ABCD4: variants seen among roughly 807,000 people sequenced by gnomAD.
The protein encoded by ABCD4 is lysosomal cobalamin transporter ABCD4.
In ABCD4, 53 loss-of-function variants were observed where a neutral mutation model predicts 86.3. The observed-to-expected ratio is 0.61, with a 90% confidence interval of 0.49 to 0.77. ABCD4 has a LOEUF of 0.77. Among genes scored for constraint, ABCD4 ranks in the 30% least tolerant of loss-of-function variants. ABCD4 has a pLI of 0.00. For missense variants in ABCD4, 757 were observed against 764.5 expected (o/e 0.99, Z 0.12); for synonymous variants, 328 against 313.6 (o/e 1.05, Z -0.49).
In ABCD4 at chr14:74,293,397, C is replaced by T. The variant is rs1418291540; in HGVS notation, c.720-149G>A. 14 of 626,426 alleles carry T rather than the reference C, an allele frequency of 2.2e-5. No homozygotes were observed. The Admixed American group carries it at 2.2e-4, about 10-fold the overall frequency. The allele number at this position is 626,426 out of a possible 1,614,324, so 38.8% of individuals were successfully genotyped here. A position where few individuals can be genotyped will look rare whatever the true frequency, so the allele number is the denominator to read the frequency against. On this transcript the variant is annotated intron_variant, in intron 7 of 18. Coordinates refer to ENST00000356924, the MANE Select transcript of ABCD4 (RefSeq NM_005050.4). The stretch of plus-strand genomic sequence containing the variant: ...TCTGTCTACTGGTAGCGCCCATTCA[C>T]GGCTTCAGTCATGCCTTAATGGTAT...
rs750455087 is a variant in ABCD4 at position 74,302,897 on chromosome 14, G to A, written c.16C>T (p.Pro6Ser). Residue 6 changes from proline (P) to serine (S), a missense_variant, in exon 1 of 19, where the codon CCC becomes TCC. Coordinates refer to ENST00000356924, the MANE Select transcript of ABCD4 (RefSeq NM_005050.4). MAVAG[P>S]APGAGARPRL... Reference sequence around the variant, plus strand: ...TACCTGGCGCCAGCTCCGGGCGCGGGCCCCGCGACCGCCATGACCTGAGAC... The same window carrying A: ...TACCTGGCGCCAGCTCCGGGCGCGGACCCCGCGACCGCCATGACCTGAGAC... 32 of 1,605,980 alleles carry A rather than the reference G, an allele frequency of 2.0e-5. No homozygotes were observed. Among genetic ancestry groups the A allele is most frequent in the Non-Finnish European group, 2.5e-5 (30 of 1,176,642 alleles).
At position 74,286,028 on chromosome 14, in the gene ABCD4, T is replaced by G. The variant is rs761534929; in HGVS notation, c.*433A>C. On this transcript the variant is annotated 3_prime_UTR_variant, in exon 19 of 19. Coordinates refer to ENST00000356924, the MANE Select transcript of ABCD4 (RefSeq NM_005050.4). Reference sequence around the variant, plus strand: ...TGTTTAACTTTTCTTTGTAAAAAACTTATTAAAAAACTTAAATGGTCAGTT... The same window carrying G: ...TGTTTAACTTTTCTTTGTAAAAAACGTATTAAAAAACTTAAATGGTCAGTT... 1.9e-5 allele frequency: 3 copies of G among 154,504 alleles called. No homozygotes were observed. The highest frequency in any genetic ancestry group is 4.3e-5 in the Non-Finnish European group (3 of 69,708). 9.6% of individuals were successfully genotyped at this position (154,504 alleles called of 1,614,324 possible). A position where few individuals can be genotyped will look rare whatever the true frequency, so the allele number is the denominator to read the frequency against.
At position 74,287,043 on chromosome 14, in the gene ABCD4, A is replaced by G. The variant is rs562996009; in HGVS notation, c.1637-227T>C. Among the ~76,000 whole-genome samples, 7 of 152,262 alleles carry G rather than the reference A, an allele frequency of 4.6e-5. No individual in the cohort carries two copies. The East Asian group carries it at 1.2e-3, about 25-fold the overall frequency. ...GCATGAAATCTCTCAGCTTCTATAG[A>G]TAAGCACCAGCCACTCCCTGGGACC... On this transcript the variant is annotated intron_variant, in intron 17 of 18. Transcript: ENST00000356924.
Position 74,290,414 on chromosome 14 carries a change from G to A in ABCD4, c.1204C>T (p.Pro402Ser). The part of the protein sequence containing the change: ...VSISAPSSDK[P>S]LIKDLSLKIS... ...TTTAGGCTCAGATCCTTGATTAGGG[G>A]TTTGTCAGAGGAGGGGGCAGAGATG... The change falls in exon 12 of 19, where the codon CCC (proline) becomes TCC (serine). Residue 402 changes from proline to serine, a missense_variant. By Grantham distance (74) the Pro-to-Ser change is moderately conservative. Transcript: ENST00000356924. 1 of 1,614,146 alleles carries A rather than the reference G, an allele frequency of 6.2e-7. No homozygotes were observed. The highest frequency in any genetic ancestry group is 8.5e-7 in the Non-Finnish European group (1 of 1,180,034).
At chr14:74,289,170 G>A in intron 14 of ABCD4, 1 of 1,264,086 alleles carries the variant, frequency 7.9e-7, no homozygotes, top group Non-Finnish European at 9.9e-7. Context: ...GATGATGCAG[G>A]GGTGGGGGCC....
rs1259113683 is a variant in ABCD4 at position 74,293,266 on chromosome 14, G to A, written c.720-18C>T. ...GCCCAGCTCTGACAAGGAAAGGCTG[G>A]GATGTCCACAGGGCTGGAGAGGTTC... On this transcript the variant is annotated intron_variant, in intron 7 of 18. Transcript: ENST00000356924. 6.2e-7 allele frequency: 1 copy of A among 1,613,548 alleles called. No homozygotes were observed. The highest frequency in any genetic ancestry group is 8.5e-7 in the Non-Finnish European group (1 of 1,179,706).
At chr14:74,287,291 G>A (rs145506268) in intron 17 of ABCD4, among the ~76,000 whole-genome samples, 6 of 152,312 alleles carry the variant, frequency 3.9e-5, no homozygotes, top group African/African-American at 9.6e-5. Flanking sequence ...GTTCATGCCT[G>A]TAATCCCAGC....
intron 16 of ABCD4, 120 bp from the exon 17 acceptor site, chr14:74,288,006 C>T: frequency 2.7e-6 from 3 of 1,119,372 alleles, no homozygotes; most frequent in Admixed American, 2.0e-5. Flanking sequence ...GAGACAGAAG[C>T]CCCTTCCCTT....
intron 2 of ABCD4, 45 bp downstream of exon 2, chr14:74,300,105 A>G (rs747104892): frequency 5.1e-6 from 6 of 1,181,940 alleles, no homozygotes; most frequent in Non-Finnish European, 7.3e-6. Context: ...AGGGACCCCA[A>G]ACCAGAGCTC....
At chr14:74,288,071 C>T (rs1448300361) in intron 16 of ABCD4, 136 bp downstream of exon 16, 2 of 1,122,936 alleles carry the variant, frequency 1.8e-6, no homozygotes, top group African/African-American at 1.6e-5. Context: ...TTCCCAAGGG[C>T]ATAAACTTGC....
chr14:74,295,566 A>T (rs2139995550), intron 6 of ABCD4, among the ~76,000 whole-genome samples: 1 of 152,386 alleles, frequency 6.6e-6, no homozygotes, highest in African/African-American at 2.4e-5. Flanking sequence ...ATGCCAGGGC[A>T]GTGAGAAGGC....
At position 74,290,203 on chromosome 14, in the gene ABCD4, A is replaced by G. The variant is rs539308521; in HGVS notation, c.1328-85T>C. 2.5e-6 allele frequency: 4 copies of G among 1,611,394 alleles called. No individual in the cohort carries two copies. The African/African-American group carries it at 5.3e-5, about 22-fold the overall frequency. ...CCTCTCTTCCTTGTTCCCCAACAGAAAAGAATGGATTCTACCACACCGTCC... is the reference window on the plus strand; with the variant it reads ...CCTCTCTTCCTTGTTCCCCAACAGAGAAGAATGGATTCTACCACACCGTCC... On this transcript the variant is annotated intron_variant, in intron 12 of 18. Coordinates refer to ENST00000356924, the MANE Select transcript of ABCD4 (RefSeq NM_005050.4).
chr14:74,285,425 G>A lies in ABCD4; in HGVS notation c.*1036C>T, dbSNP rs1180061096. ...TAGCCGTAAGTTAATAACACCGATG[G>A]TTTTTCTTGTATTTATTTTTAGTTA... On this transcript the variant is annotated 3_prime_UTR_variant, in exon 19 of 19. Transcript: ENST00000356924. The A allele has an allele frequency of 6.6e-6, 1 of 152,064 alleles. No homozygotes were observed. The highest frequency in any genetic ancestry group is 1.5e-5 in the Non-Finnish European group (1 of 68,034). 9.4% of individuals were successfully genotyped at this position (152,064 alleles called of 1,614,324 possible).
intron 4 of ABCD4, chr14:74,296,714 G>C: frequency 2.3e-6 from 1 of 440,802 alleles, no homozygotes; most frequent in East Asian, 4.2e-5. Flanking sequence ...CAGTACCCAG[G>C]GGCCTGAGCC....
Position 74,292,729 on chromosome 14 carries a change from G to T in ABCD4, c.936+19C>A. On this transcript the variant is annotated intron_variant, in intron 9 of 18. Coordinates refer to ENST00000356924, the MANE Select transcript of ABCD4 (RefSeq NM_005050.4). ...GACAGAGAGGGACAGCATGTGGGGT[G>T]ACCAAGAGGGAGTCTCACCTTGCTG... is the stretch of plus-strand genomic sequence containing the variant. The T allele has an allele frequency of 6.2e-7, 1 of 1,613,950 alleles. No individual in the cohort carries two copies. The highest frequency in any genetic ancestry group is 1.1e-5 in the South Asian group (1 of 91,004).
At chr14:74,302,726 G>T in intron 1 of ABCD4, 149 bp downstream of exon 1, 1 of 920,438 alleles carries the variant, frequency 1.1e-6, no homozygotes, top group Non-Finnish European at 1.5e-6. Context: ...GAGGGCGGAC[G>T]CCCCTTCGAG....
Position 74,285,706 on chromosome 14 carries a change from T to C in ABCD4, c.*755A>G, listed in dbSNP as rs569573297. The stretch of plus-strand genomic sequence containing the variant: ...AATTTGCTGTTGTTGTTCCCTAATA[T>C]AGACTATTTTTTTAGAAAACCCAAC... On this transcript the variant is annotated 3_prime_UTR_variant, in exon 19 of 19. Transcript: ENST00000356924. The C allele has an allele frequency of 6.6e-6, 1 of 152,282 alleles. No homozygotes were observed. Among genetic ancestry groups the C allele is most frequent in the East Asian group, 1.9e-4 (1 of 5,188 alleles). 9.4% of individuals were successfully genotyped at this position (152,282 alleles called of 1,614,324 possible).
At chr14:74,288,030 TACAGCCCTC>T in intron 16 of ABCD4, 144 bp from the exon 17 acceptor site, 1 of 1,041,380 alleles carries the variant, frequency 9.6e-7, no homozygotes, top group Non-Finnish European at 1.4e-6. Context: ...ACCATAGGCC[TACAGCCCTC>T]ACAGAGTGAG....
chr14:74,295,018 G>A, intron 7 of ABCD4, 130 bp downstream of exon 7: 2 of 1,111,828 alleles, frequency 1.8e-6, no homozygotes. Context: ...GGTAGAGGGA[G>A]AGGGTCACAG....
Sources: gnomAD v4.1 joint callset for allele counts (sites outside exome capture counted in the v4.1 genomes callset) on GRCh38, gnomAD v4.1.1 for gene constraint, MANE v1.5 for transcripts, NCBI Gene and HGNC (gene_info 2026-07-23, HGNC 2026-07-21) for gene names.